NFIA: variants seen among roughly 807,000 people sequenced by gnomAD.
The protein encoded by NFIA is nuclear factor I A.
A neutral mutation model predicts 62.8 loss-of-function variants in NFIA; 8 were observed. The ratio of observed to expected loss-of-function variants is 0.13; its 90% CI spans 0.07 to 0.23. The LOEUF (loss-of-function observed/expected upper bound fraction) is 0.23. NFIA is among the 10% of genes least tolerant of loss of function. The pLI is 1.00. For synonymous variants in NFIA, 235 were observed against 238.1 expected (o/e 0.99, Z 0.12); for missense variants, 410 against 642.1 (o/e 0.64, Z 3.91).
At chr1:61,386,984 C>T (rs1664723057) in intron 7 of NFIA, among the ~76,000 whole-genome samples, 2 of 152,182 alleles carry the variant, frequency 1.3e-5, no homozygotes, top group South Asian at 4.1e-4. Context: ...GGGTCGCTCT[C>T]TAGTGTCTCT....
intron 10 of NFIA, among the ~76,000 whole-genome samples, chr1:61,438,764 A>T (rs1348871409): frequency 6.6e-6 from 1 of 152,104 alleles, no homozygotes; most frequent in Non-Finnish European, 1.5e-5. Flanking sequence ...AAAAAATCCC[A>T]GTGCAAAAAC....
At chr1:61,448,643 A>G (rs1366861711) in intron 10 of NFIA, among the ~76,000 whole-genome samples, 1 of 152,222 alleles carries the variant, frequency 6.6e-6, no homozygotes, top group Non-Finnish European at 1.5e-5. Context: ...CTAGTTCATA[A>G]TGGTGCCAGG....
At chr1:61,131,807 GA>G (rs1347485273) in intron 2 of NFIA, among the ~76,000 whole-genome samples, 1 of 152,102 alleles carries the variant, frequency 6.6e-6, no homozygotes, top group East Asian at 1.9e-4. Context: ...AGATCTGGTT[GA>G]ATTTTTTTCT....
chr1:61,347,706 C>T (rs927226538), intron 4 of NFIA, among the ~76,000 whole-genome samples: 2 of 152,146 alleles, frequency 1.3e-5, no homozygotes, highest in Non-Finnish European at 2.9e-5. Flanking sequence ...GCATGTTCGG[C>T]ATTGCATTAG....
upstream of NFIA, chr1:61,082,420 TGC>T (rs1646118395): frequency 3.0e-6 from 3 of 986,150 alleles, no homozygotes; most frequent in Non-Finnish European, 3.6e-6. Flanking sequence ...TGCGGTGCGG[TGC>T]AGAGCGGAGG....
chr1:61,452,691 C>T (rs1668109654), intron 10 of NFIA, among the ~76,000 whole-genome samples: 1 of 152,132 alleles, frequency 6.6e-6, no homozygotes, highest in Non-Finnish European at 1.5e-5. Flanking sequence ...AAAGCTTTAA[C>T]GTTAGACAAA....
chr1:61,405,928 G>T (rs763814858), intron 8 of NFIA, among the ~76,000 whole-genome samples: 2 of 152,060 alleles, frequency 1.3e-5, no homozygotes, highest in Non-Finnish European at 2.9e-5. Flanking sequence ...TTTTTCCCTA[G>T]CAGACTTCTG....
At chr1:61,368,824 A>T (rs9326051) in intron 6 of NFIA, among the ~76,000 whole-genome samples, 46,894 of 152,112 alleles carry the variant, frequency 0.31, 8,526 homozygotes, top group East Asian at 0.53. Flanking sequence ...GATAACATAT[A>T]TTACACCTCT....
chr1:61,149,973 C>T (rs1464571091), intron 2 of NFIA, among the ~76,000 whole-genome samples: 1 of 152,052 alleles, frequency 6.6e-6, no homozygotes, highest in African/African-American at 2.4e-5. Flanking sequence ...CAGGTTCCAT[C>T]GTGTGTCTTC....
intron 2 of NFIA, among the ~76,000 whole-genome samples, chr1:61,235,344 T>C (rs183297635): frequency 2.0e-5 from 3 of 151,946 alleles, no homozygotes; most frequent in Non-Finnish European, 4.4e-5. Flanking sequence ...GTGCCTGTAG[T>C]CCCAGCTACT....
intron 3 of NFIA, among the ~76,000 whole-genome samples, chr1:61,309,758 A>G (rs1038865619): frequency 5.3e-5 from 8 of 152,086 alleles, no homozygotes; most frequent in Admixed American, 3.3e-4. Context: ...GTGTGGTGGC[A>G]TGCACCTGTA....
intron 2 of NFIA, among the ~76,000 whole-genome samples, chr1:61,242,865 T>C (rs2100647202): frequency 6.6e-6 from 1 of 151,918 alleles, no homozygotes; most frequent in Non-Finnish European, 1.5e-5. Context: ...GGGATAATAC[T>C]ATAGAGCGAT....
intron 1 of NFIA, 47 bp downstream of exon 1, chr1:61,082,865 G>A (rs1292278760): frequency 1.9e-6 from 3 of 1,540,068 alleles, no homozygotes; most frequent in Non-Finnish European, 2.6e-6. Context: ...GGGGCGCCGG[G>A]GGCAGGGCTG....
chr1:61,253,077 C>T (rs892280069), intron 2 of NFIA, among the ~76,000 whole-genome samples: 5 of 152,178 alleles, frequency 3.3e-5, no homozygotes, highest in African/African-American at 1.2e-4. Flanking sequence ...TCAGTCCAGC[C>T]ATGTTCCAAA....
intron 3 of NFIA, among the ~76,000 whole-genome samples, chr1:61,306,066 G>T (rs865909074): frequency 6.6e-6 from 1 of 151,414 alleles, no homozygotes; most frequent in Non-Finnish European, 1.5e-5. Context: ...TAGCCAGGAT[G>T]GTCTCAATCT....
At chr1:61,402,987 G>A (rs552669064) in intron 7 of NFIA, among the ~76,000 whole-genome samples, 1 of 152,362 alleles carries the variant, frequency 6.6e-6, no homozygotes, top group African/African-American at 2.4e-5. Flanking sequence ...AAGTGGGATA[G>A]TGGTAGAAGT....
chr1:61,118,203 A>G (rs1646825585), intron 2 of NFIA, among the ~76,000 whole-genome samples: 1 of 151,846 alleles, frequency 6.6e-6, no homozygotes, highest in South Asian at 2.1e-4. Context: ...AAAAAAAAAA[A>G]AAGAAAAGAA....
intron 2 of NFIA, among the ~76,000 whole-genome samples, chr1:61,189,386 G>C (rs774632181): frequency 5.3e-5 from 8 of 152,154 alleles, no homozygotes; most frequent in African/African-American, 1.9e-4. Flanking sequence ...AAAGTCATTG[G>C]CTGGGTGCAG....
rs186688996 is a variant in NFIA at position 61,434,849 on chromosome 1, G to A, written c.1512+8293G>A. ...GAGATTTCACAGGAAATTTTACATT[G>A]TATGGGAGAGGAAGGGAATAGACCA... is the stretch of plus-strand genomic sequence containing the variant. On this transcript the variant is annotated intron_variant, in intron 10 of 10. Transcript: ENST00000403491. Among the ~76,000 whole-genome samples, 118 of 152,200 alleles carry A rather than the reference G, an allele frequency of 7.8e-4. 2 individuals carry two copies. Among genetic ancestry groups the A allele is most frequent in the Admixed American group, 7.2e-3 (110 of 15,296 alleles).
Sources: gnomAD v4.1 joint callset for allele counts (sites outside exome capture counted in the v4.1 genomes callset) on GRCh38, gnomAD v4.1.1 for gene constraint, MANE v1.5 for transcripts, NCBI Gene and HGNC (gene_info 2026-07-23, HGNC 2026-07-21) for gene names.